Variants in SHOC1 observed in about 807,000 individuals in gnomAD.
SHOC1 encodes the protein shortage in chiasmata 1.
SHOC1 carries 136 observed loss-of-function variants against 179.2 expected under a neutral mutation model. The observed-to-expected ratio is 0.76, with a 90% CI of 0.66 to 0.87. The LOEUF (loss-of-function observed/expected upper bound fraction) is 0.87, where lower values mean the gene tolerates loss of function less well. Among genes scored for constraint, SHOC1 ranks in the 40% least tolerant of loss-of-function variants. The pLI, the probability that SHOC1 is intolerant of heterozygous loss-of-function variation, is 0.00. For synonymous variants in SHOC1, 489 were observed against 586.6 expected (o/e 0.83, Z 2.41); for missense variants, 1,538 against 1,700.8 (o/e 0.90, Z 1.68).
intron 27 of SHOC1, among the ~76,000 whole-genome samples, chr9:111,690,149 C>T (rs1346009643): frequency 1.3e-5 from 2 of 152,108 alleles, no homozygotes; most frequent in African/African-American, 4.8e-5. Context: ...TTAGGCCGGG[C>T]CAGGTGGCTC....
intron 21 of SHOC1, among the ~76,000 whole-genome samples, chr9:111,704,629 C>T (rs911688404): frequency 6.6e-6 from 1 of 152,200 alleles, no homozygotes; most frequent in African/African-American, 2.4e-5. Flanking sequence ...CATACATCTG[C>T]ATTTTAACTA....
At chr9:111,793,161 C>T (rs1339794997) in intron 1 of SHOC1, among the ~76,000 whole-genome samples, 1 of 152,168 alleles carries the variant, frequency 6.6e-6, no homozygotes, top group Non-Finnish European at 1.5e-5. Flanking sequence ...GGATTACAGG[C>T]GTGAGCCACC....
intron 1 of SHOC1, among the ~76,000 whole-genome samples, chr9:111,793,270 A>C (rs1836510873): frequency 6.6e-6 from 1 of 152,166 alleles, no homozygotes; most frequent in Non-Finnish European, 1.5e-5. Flanking sequence ...CTCATTCTAA[A>C]AGCCATTGCA....
chr9:111,692,464 T>G lies in SHOC1; in HGVS notation c.3513A>C (p.Ile1171=), dbSNP rs1428611243. 1 of 1,603,966 alleles carries G rather than the reference T, an allele frequency of 6.2e-7. No individual in the cohort carries two copies. Among genetic ancestry groups the G allele is most frequent in the Non-Finnish European group, 8.5e-7 (1 of 1,174,674 alleles). The change falls in exon 27 of 28, where the codon ATA becomes ATC. Residue 1171 remains isoleucine, a synonymous_variant. Coordinates refer to ENST00000682961, the MANE Select transcript of SHOC1 (RefSeq NM_001378211.1). ...GTGACGAAATTTGCGGTGATTTTGT[T>G]ATGGAAGAAGAACCAATCTTGAATA... ...TSLFKIGSSS[I]TKSPQISSPQ...
chr9:111,710,449 TA>T (rs1270199750), intron 18 of SHOC1, among the ~76,000 whole-genome samples: 1 of 152,198 alleles, frequency 6.6e-6, no homozygotes, highest in Admixed American at 6.5e-5. Flanking sequence ...TCTTTTTCAC[TA>T]GTTCTAGTGT....
chr9:111,723,901 T>C lies in SHOC1; in HGVS notation c.1845A>G (p.Ala615=), dbSNP rs1833181892. Residue 615 remains alanine, a synonymous_variant, in exon 14 of 28, where the codon GCA becomes GCG. Transcript: ENST00000682961. ...TTTCTTCTTGAAGTGTCAAAGAACATGCTTCTTTATCTTGAAATTCCAATA... is the reference window on the plus strand; with the variant it reads ...TTTCTTCTTGAAGTGTCAAAGAACACGCTTCTTTATCTTGAAATTCCAATA... The part of the protein sequence containing the change: ...TNSDEKHDKE[A]CSLTLQEESP... The C allele has an allele frequency of 1.3e-6, 2 of 1,542,280 alleles. No individual in the cohort carries two copies. The highest frequency in any genetic ancestry group is 1.4e-5 in the African/African-American group (1 of 72,906).
chr9:111,711,296 C>T (rs1199302122), intron 18 of SHOC1, among the ~76,000 whole-genome samples: 1 of 152,194 alleles, frequency 6.6e-6, no homozygotes, highest in Non-Finnish European at 1.5e-5. Flanking sequence ...AACCAGACTG[C>T]TGGTCCTGGA....
rs557209614 is a variant in SHOC1 at position 111,695,714 on chromosome 9, C to T, written c.3184-1352G>A. ...ATTCATCAATGGAGTCTTCAGCCAA[C>T]AACTGTTTGAGAATGATGTTAACAT... On this transcript the variant is annotated intron_variant, in intron 24 of 27. Coordinates refer to ENST00000682961, the MANE Select transcript of SHOC1 (RefSeq NM_001378211.1). 2.0e-5 allele frequency among the ~76,000 whole-genome samples: 3 copies of T among 152,232 alleles called. No individual in the cohort carries two copies. In the East Asian group the frequency reaches 5.8e-4, roughly 29 times the overall value.
chr9:111,689,081 T>C (rs1369750651), intron 27 of SHOC1, among the ~76,000 whole-genome samples: 1 of 152,028 alleles, frequency 6.6e-6, no homozygotes, highest in East Asian at 1.9e-4. Context: ...TAGGGTACCA[T>C]TATTTAAAAG....
chr9:111,699,892 A>G (rs1831879964), intron 24 of SHOC1, 62 bp downstream of exon 24: 1 of 1,007,754 alleles, frequency 9.9e-7, no homozygotes, highest in African/African-American at 1.6e-5. Context: ...TGGGCACTTA[A>G]GTTTGAGTAT....
intron 23 of SHOC1, among the ~76,000 whole-genome samples, chr9:111,701,641 GT>G (rs2131341681): frequency 6.6e-6 from 1 of 152,156 alleles, no homozygotes; most frequent in African/African-American, 2.4e-5. Flanking sequence ...CAAAATGAAG[GT>G]TTTAGACCGG....
intron 11 of SHOC1, among the ~76,000 whole-genome samples, chr9:111,740,970 C>T (rs1357763006): frequency 6.6e-6 from 1 of 152,152 alleles, no homozygotes; most frequent in South Asian, 2.1e-4. Context: ...TCACTGCAAC[C>T]TCCGCCTCCC....
At position 111,686,614 on chromosome 9, in the gene SHOC1, G is replaced by A. The variant is rs1831171427; in HGVS notation, c.*156C>T. On this transcript the variant is annotated 3_prime_UTR_variant, in exon 28 of 28. Transcript: ENST00000682961. ...TAACTTACAAAGATGCAAACCATAG[G>A]GCAGAATACATATTATGAATATTTA... 1.8e-6 allele frequency: 1 copy of A among 542,230 alleles called. No homozygotes were observed. Among genetic ancestry groups the A allele is most frequent in the Admixed American group, 3.2e-5 (1 of 31,414 alleles). 33.6% of individuals were successfully genotyped at this position (542,230 alleles called of 1,614,324 possible).
Position 111,687,033 on chromosome 9 carries a change from G to A in SHOC1, c.4427-163C>T, listed in dbSNP as rs184378074. 1.1e-3 allele frequency among the ~76,000 whole-genome samples: 165 copies of A among 148,432 alleles called. 1 individual carries two copies. Among genetic ancestry groups the A allele is most frequent in the African/African-American group, 3.9e-3 (157 of 40,400 alleles). On this transcript the variant is annotated intron_variant, in intron 27 of 27. Coordinates refer to ENST00000682961, the MANE Select transcript of SHOC1 (RefSeq NM_001378211.1). The stretch of plus-strand genomic sequence containing the variant: ...CAATCTCGGCTCACTTGCAACATCT[G>A]CCTCCTGGGTTCAAGCGATTCTCCT...
chr9:111,709,246 G>A (rs1421566127), intron 18 of SHOC1, among the ~76,000 whole-genome samples: 1 of 152,232 alleles, frequency 6.6e-6, no homozygotes, highest in Non-Finnish European at 1.5e-5. Context: ...GGAGGGTAAG[G>A]CAGGAGAATG....
intron 9 of SHOC1, among the ~76,000 whole-genome samples, chr9:111,747,690 C>T (rs766915186): frequency 6.6e-6 from 1 of 152,116 alleles, no homozygotes; most frequent in South Asian, 2.1e-4. Flanking sequence ...AAGCCATTCT[C>T]GTGCCTCAGC....
At chr9:111,773,463 C>A (rs924490116) in intron 5 of SHOC1, among the ~76,000 whole-genome samples, 3 of 152,000 alleles carry the variant, frequency 2.0e-5, no homozygotes, top group Non-Finnish European at 4.4e-5. Flanking sequence ...CAGGTGCCTG[C>A]CACTACGCCC....
chr9:111,692,477 C>T lies in SHOC1; in HGVS notation c.3500G>A (p.Gly1167Asp). 6.3e-7 allele frequency: 1 copy of T among 1,597,832 alleles called. No individual in the cohort carries two copies. Among genetic ancestry groups the T allele is most frequent in the Non-Finnish European group, 8.5e-7 (1 of 1,170,362 alleles). Residue 1167 changes from glycine (G) to aspartate (D), a missense_variant, in exon 27 of 28, where the codon GGT (glycine) becomes GAT (aspartate). Coordinates refer to ENST00000682961, the MANE Select transcript of SHOC1 (RefSeq NM_001378211.1). ...FCSITSLFKI[G>D]SSSITKSPQI... ...CGGTGATTTTGTTATGGAAGAAGAA[C>T]CAATCTTGAATAGGGAAGTGATGCT...
At chr9:111,722,162 G>A (rs11790465) in intron 15 of SHOC1, among the ~76,000 whole-genome samples, 195 of 152,204 alleles carry the variant, frequency 1.3e-3, no homozygotes, top group Non-Finnish European at 1.8e-3. Flanking sequence ...TTCTGCAATA[G>A]GAATCTGTCA....
Sources: allele counts gnomAD v4.1 joint callset (sites outside exome capture counted in the v4.1 genomes callset), GRCh38; gene constraint gnomAD v4.1.1; transcripts MANE v1.5; gene names NCBI Gene and HGNC (gene_info 2026-07-23, HGNC 2026-07-21).